Variants in CDH12 observed in about 807,000 individuals in gnomAD.
CDH12 encodes cadherin 12.
A neutral mutation model predicts 74.1 loss-of-function variants in CDH12; 41 were observed. The ratio of observed to expected loss-of-function variants is 0.55; its 90% CI spans 0.43 to 0.72. The LOEUF (loss-of-function observed/expected upper bound fraction) is 0.72. CDH12 is among the 30% of genes least tolerant of loss of function. The pLI is 0.00. For synonymous variants in CDH12, 399 were observed against 355.0 expected, an observed-to-expected ratio of 1.12 and a Z score of -1.39; for missense variants, 945 against 977.2, an observed-to-expected ratio of 0.97 and a Z score of 0.44.
rs117801889 is a variant in CDH12, at chr5:22,087,920, G to C, written c.-186-9058C>G. ...TGATGGTGAGCTGCTCAGAAAATCA[G>C]CTCAGAGTAAGTTTGGAGAAAATTC... On this transcript the variant is annotated intron_variant, in intron 4 of 14. Transcript: ENST00000382254. Among the ~76,000 whole-genome samples the C allele has an allele frequency of 5.0e-3, 754 of 152,264 alleles. 17 individuals are homozygous for C. Among genetic ancestry groups the C allele is most frequent in the East Asian group, 0.015 (77 of 5,176 alleles).
At chr5:22,657,981 C>T (rs1740139923) in intron 1 of CDH12, among the ~76,000 whole-genome samples, 1 of 152,006 alleles carries the variant, frequency 6.6e-6, no homozygotes, top group African/African-American at 2.4e-5. Flanking sequence ...CTCATGATGG[C>T]TAAGGAGTTA....
chr5:22,671,325 G>A (rs1261927430), intron 1 of CDH12, among the ~76,000 whole-genome samples: 2 of 152,068 alleles, frequency 1.3e-5, no homozygotes, highest in Non-Finnish European at 2.9e-5. Context: ...GTACAAGGCT[G>A]TATTGCACTA....
chr5:22,234,635 A>G (rs1294975284), intron 3 of CDH12, among the ~76,000 whole-genome samples: 4 of 149,984 alleles, frequency 2.7e-5, no homozygotes, highest in Admixed American at 6.6e-5. Context: ...CCTTAGAGCT[A>G]TATCTATCCA....
rs1755716304 is a variant in CDH12, at chr5:21,949,239, A to G, written c.526+25852T>C. Among the ~76,000 whole-genome samples the G allele has an allele frequency of 2.0e-5, 3 of 152,176 alleles. No homozygotes were observed. The South Asian group carries it at 6.2e-4, about 32-fold the overall frequency. Reference sequence around the variant, plus strand: ...CCCGAGGCGGGCAGATCACGAGGTCAGGAGATCGAGACCATCCTGGCTAAC... The same window carrying G: ...CCCGAGGCGGGCAGATCACGAGGTCGGGAGATCGAGACCATCCTGGCTAAC... On this transcript the variant is annotated intron_variant, in intron 6 of 14. Transcript: ENST00000382254.
At chr5:21,866,402 C>T (rs776366056) in intron 6 of CDH12, among the ~76,000 whole-genome samples, 1 of 152,172 alleles carries the variant, frequency 6.6e-6, no homozygotes, top group Non-Finnish European at 1.5e-5. Context: ...GACCAAAACA[C>T]TGTTAATGAT....
chr5:22,701,666 G>A lies in CDH12; in HGVS notation c.-523+151392C>T, dbSNP rs190826622. On this transcript the variant is annotated intron_variant, in intron 1 of 14. Coordinates refer to ENST00000382254, the MANE Select transcript of CDH12 (RefSeq NM_004061.5). The stretch of plus-strand genomic sequence containing the variant: ...TACTGGTTTTAGATCAATTTGGGAG[G>A]AACCTTCTACTCCCATATTTTACCT... Among the ~76,000 whole-genome samples, 795 of 151,984 alleles carry A rather than the reference G, an allele frequency of 5.2e-3. 6 individuals carry two copies. Among genetic ancestry groups the A allele is most frequent in the Middle Eastern group, 0.024 (7 of 294 alleles).
At chr5:22,503,827 G>T (rs575783816) in intron 2 of CDH12, among the ~76,000 whole-genome samples, 2 of 152,090 alleles carry the variant, frequency 1.3e-5, no homozygotes, top group South Asian at 4.1e-4. Flanking sequence ...ATGCTTTAAA[G>T]AAAAGGAGAG....
Position 22,796,790 on chromosome 5 carries a change from G to T in CDH12, c.-523+56268C>A, listed in dbSNP as rs1748246457. ...CCGCCTCGGCCTCCCAAAGTGCTGG[G>T]ATTACAGGCGTGAGCCACCGCGCCC... is the stretch of plus-strand genomic sequence containing the variant. On this transcript the variant is annotated intron_variant, in intron 1 of 14. Transcript: ENST00000382254. 3.0e-5 allele frequency among the ~76,000 whole-genome samples: 3 copies of T among 101,582 alleles called. 1 individual carries two copies. In the Admixed American group the frequency reaches 3.1e-4, roughly 11 times the overall value. 66.6% of individuals were successfully genotyped at this position (101,582 alleles called of 152,430 possible).
At chr5:21,940,875 G>T (rs1377821956) in intron 6 of CDH12, among the ~76,000 whole-genome samples, 4 of 150,960 alleles carry the variant, frequency 2.6e-5, no homozygotes, top group Non-Finnish European at 5.9e-5. Flanking sequence ...CACACACACA[G>T]TCCTTTACAA....
intron 3 of CDH12, among the ~76,000 whole-genome samples, chr5:22,307,076 A>G (rs1248914559): frequency 6.6e-6 from 1 of 152,166 alleles, no homozygotes; most frequent in Non-Finnish European, 1.5e-5. Context: ...GCTGATTCAA[A>G]ACAATTTTCT....
intron 5 of CDH12, among the ~76,000 whole-genome samples, chr5:22,054,997 A>G (rs1328647968): frequency 1.3e-5 from 2 of 152,196 alleles, no homozygotes; most frequent in East Asian, 3.9e-4. Flanking sequence ...TTTGACATCC[A>G]ATGTCACCCA....
At chr5:22,611,386 A>G (rs144137477) in intron 1 of CDH12, among the ~76,000 whole-genome samples, 263 of 152,264 alleles carry the variant, frequency 1.7e-3, no homozygotes, top group African/African-American at 6.1e-3. Context: ...AATTTAGTCA[A>G]TTCTGGCTCT....
intron 3 of CDH12, among the ~76,000 whole-genome samples, chr5:22,316,772 A>G (rs1456105409): frequency 1.3e-5 from 2 of 152,134 alleles, no homozygotes; most frequent in Non-Finnish European, 2.9e-5. Context: ...AAGGTCTATA[A>G]TGAGGTTATT....
At chr5:22,211,094 C>A (rs1751507927) in intron 4 of CDH12, among the ~76,000 whole-genome samples, 1 of 152,158 alleles carries the variant, frequency 6.6e-6, no homozygotes, top group Admixed American at 6.5e-5. Context: ...GCCTGAAAAG[C>A]TCTCCAGAGA....
At chr5:22,812,124 A>G (rs1424529181) in intron 1 of CDH12, among the ~76,000 whole-genome samples, 1 of 152,160 alleles carries the variant, frequency 6.6e-6, no homozygotes, top group East Asian at 1.9e-4. Context: ...CTGGACATAT[A>G]AGATTATGAA....
At chr5:22,163,677 C>T (rs1748492992) in intron 4 of CDH12, among the ~76,000 whole-genome samples, 1 of 152,094 alleles carries the variant, frequency 6.6e-6, no homozygotes, top group African/African-American at 2.4e-5. Flanking sequence ...TGAAGTATTG[C>T]CATTTGTAAC....
At chr5:22,368,196 A>AT (rs1561349467) in intron 3 of CDH12, among the ~76,000 whole-genome samples, 1 of 152,122 alleles carries the variant, frequency 6.6e-6, no homozygotes. Flanking sequence ...TTTAAATTTA[A>AT]TTTTTTTCAG....
chr5:22,408,429 T>A lies in CDH12; in HGVS notation c.-427-3078A>T, dbSNP rs1580616623. 2.0e-5 allele frequency among the ~76,000 whole-genome samples: 3 copies of A among 151,654 alleles called. No individual in the cohort carries two copies. The East Asian group carries it at 5.8e-4, about 29-fold the overall frequency. Reference sequence around the variant, plus strand: ...CACCTATCCAATGTGCATGTTTTTCTTAGTCAAACTCAGTTTTAAGACATT... The same window carrying A: ...CACCTATCCAATGTGCATGTTTTTCATAGTCAAACTCAGTTTTAAGACATT... On this transcript the variant is annotated intron_variant, in intron 2 of 14. Transcript: ENST00000382254.
chr5:22,228,412 C>A (rs1345855573), intron 3 of CDH12, among the ~76,000 whole-genome samples: 9 of 151,996 alleles, frequency 5.9e-5, no homozygotes. Context: ...TGAAGCTTTG[C>A]ATAATTTTTT....
Sources: gnomAD v4.1 joint callset for allele counts (sites outside exome capture counted in the v4.1 genomes callset) on GRCh38, gnomAD v4.1.1 for gene constraint, MANE v1.5 for transcripts, NCBI Gene and HGNC (gene_info 2026-07-23, HGNC 2026-07-21) for gene names.